MACROD2: variants seen among roughly 807,000 people sequenced by gnomAD.
MACROD2 encodes mono-ADP ribosylhydrolase 2.
MACROD2 carries 36 observed loss-of-function variants against 70.4 expected under a neutral mutation model. That is an observed-to-expected ratio of 0.51 (90% CI 0.39 to 0.68). The LOEUF is 0.68. MACROD2 is among the 30% of genes least tolerant of loss of function. MACROD2 has a pLI of 0.00. For synonymous variants in MACROD2, 172 were observed against 178.8 expected, an observed-to-expected ratio of 0.96 and a Z score of 0.30; for missense variants, 496 against 538.4, an observed-to-expected ratio of 0.92 and a Z score of 0.78.
chr20:14,529,676 T>G (rs1008336510), intron 4 of MACROD2, among the ~76,000 whole-genome samples: 1 of 152,118 alleles, frequency 6.6e-6, no homozygotes, highest in Non-Finnish European at 1.5e-5. Flanking sequence ...AAGGATTGAG[T>G]TTCCCAGAGG....
intron 5 of MACROD2, among the ~76,000 whole-genome samples, chr20:14,750,244 T>C (rs2071852519): frequency 6.6e-6 from 1 of 152,136 alleles, no homozygotes; most frequent in Admixed American, 6.5e-5. Context: ...TCATTTGAGA[T>C]GTTAAATGAT....
chr20:15,401,124 G>A (rs1054720000), intron 6 of MACROD2, among the ~76,000 whole-genome samples: 3 of 151,392 alleles, frequency 2.0e-5, no homozygotes, highest in African/African-American at 7.3e-5. Flanking sequence ...TGCAAGCTCC[G>A]CCTCCCAGGT....
At chr20:15,700,971 A>C (rs2050449206) in intron 8 of MACROD2, among the ~76,000 whole-genome samples, 1 of 152,188 alleles carries the variant, frequency 6.6e-6, no homozygotes. Flanking sequence ...ACCTATTAAA[A>C]TACAGATCAC....
rs540400186 is a variant in MACROD2, at chr20:15,037,590, C to T, written c.419-192350C>T. Among the ~76,000 whole-genome samples the T allele has an allele frequency of 5.3e-5, 8 of 152,166 alleles. 1 individual carries two copies. Among genetic ancestry groups the T allele is most frequent in the Non-Finnish European group, 8.8e-5 (6 of 67,986 alleles). On this transcript the variant is annotated intron_variant, in intron 5 of 17. Coordinates refer to ENST00000684519, the MANE Select transcript of MACROD2 (RefSeq NM_001351661.2). ...GTGTATTGGAGATAGAGTCTTAAAG[C>T]GGCTGGAAGAGAACAATCTTCCTTA...
intron 5 of MACROD2, among the ~76,000 whole-genome samples, chr20:15,207,388 A>G (rs1319732176): frequency 7.5e-6 from 1 of 132,906 alleles, no homozygotes; most frequent in African/African-American, 2.9e-5. Flanking sequence ...ATATTTTGCC[A>G]CTTCTTTCTG....
chr20:13,995,846 G>T lies in MACROD2; in HGVS notation c.46+37G>T. 6.5e-7 allele frequency: 1 copy of T among 1,529,734 alleles called. No homozygotes were observed. Among genetic ancestry groups the T allele is most frequent in the Non-Finnish European group, 8.8e-7 (1 of 1,130,492 alleles). 94.8% of individuals were successfully genotyped at this position (1,529,734 alleles called of 1,614,324 possible). ...GTCGAGTCCTGGGGGTGCGGGCGGT[G>T]GGGGTTAGGGTGGGGGCGGGGGTCA... is the stretch of plus-strand genomic sequence containing the variant. On this transcript the variant is annotated intron_variant, in intron 1 of 17. Coordinates refer to ENST00000684519, the MANE Select transcript of MACROD2 (RefSeq NM_001351661.2). The surrounding 1 kb of genome is among the most constrained non-coding windows in gnomAD (Gnocchi z 4.3).
chr20:15,432,736 A>G lies in MACROD2; in HGVS notation c.571+1301A>G, dbSNP rs1279374021. On this transcript the variant is annotated intron_variant, in intron 7 of 17. Transcript: ENST00000684519. Reference sequence around the variant, plus strand: ...TTGCCAAAAAAACAAACAAAAACCTAATGCCTACACCAATACTGTATACAT... The same window carrying G: ...TTGCCAAAAAAACAAACAAAAACCTGATGCCTACACCAATACTGTATACAT... Among the ~76,000 whole-genome samples, 7 of 152,048 alleles carry G rather than the reference A, an allele frequency of 4.6e-5. 1 individual carries two copies. Among genetic ancestry groups the G allele is most frequent in the Admixed American group, 2.6e-4 (4 of 15,242 alleles).
chr20:15,891,724 A>G (rs1343759431), intron 10 of MACROD2, among the ~76,000 whole-genome samples: 1 of 152,222 alleles, frequency 6.6e-6, no homozygotes, highest in African/African-American at 2.4e-5. Context: ...TTCTGGGTAG[A>G]TAGTAATACC....
chr20:15,871,615 G>A (rs2064585034), intron 9 of MACROD2, among the ~76,000 whole-genome samples: 2 of 152,166 alleles, frequency 1.3e-5, no homozygotes, highest in Admixed American at 1.3e-4. Context: ...ATGTGTATGA[G>A]GACCAGATTG....
At chr20:14,602,252 G>A (rs1982546190) in intron 4 of MACROD2, among the ~76,000 whole-genome samples, 1 of 152,174 alleles carries the variant, frequency 6.6e-6, no homozygotes, top group Admixed American at 6.5e-5. Flanking sequence ...CCTTGCATGA[G>A]GCACAAATTC....
rs189670484 is a variant in MACROD2, at chr20:14,881,791, A to T, written c.418+196832A>T. Among the ~76,000 whole-genome samples, 7 of 152,212 alleles carry T rather than the reference A, an allele frequency of 4.6e-5. No individual in the cohort carries two copies. In the East Asian group the frequency reaches 1.4e-3, roughly 29 times the overall value. On this transcript the variant is annotated intron_variant, in intron 5 of 17. Coordinates refer to ENST00000684519, the MANE Select transcript of MACROD2 (RefSeq NM_001351661.2). ...CTTTTCCCAGAACCAGGGCCCTCTA[A>T]GTCTAAGTCAATAAAGGGACCAGGG...
At chr20:15,348,458 G>A (rs2423945) in intron 6 of MACROD2, among the ~76,000 whole-genome samples, 36 of 151,976 alleles carry the variant, frequency 2.4e-4, no homozygotes, top group Non-Finnish European at 4.4e-4. Flanking sequence ...TTTTCATGTT[G>A]ATTAAAAGAA....
chr20:14,230,561 C>T (rs4814292), intron 3 of MACROD2, among the ~76,000 whole-genome samples: 139,635 of 144,770 alleles, frequency 0.96, 67,366 homozygotes, highest in Admixed American at 0.99. Context: ...ATTTCCTTCA[C>T]TGAAGTCTTG....
chr20:15,343,326 C>A (rs145762333), intron 6 of MACROD2, among the ~76,000 whole-genome samples: 173 of 152,260 alleles, frequency 1.1e-3, no homozygotes, highest in East Asian at 6.2e-3. Context: ...AAGCATTTTT[C>A]AAAGATGGTG....
chr20:15,095,591 C>G (rs1026366518), intron 5 of MACROD2, among the ~76,000 whole-genome samples: 1 of 151,950 alleles, frequency 6.6e-6, no homozygotes, highest in African/African-American at 2.4e-5. Context: ...AATCTCGGCT[C>G]ACTGCAAGCT....
At chr20:15,004,684 G>A (rs1314612632) in intron 5 of MACROD2, among the ~76,000 whole-genome samples, 1 of 152,170 alleles carries the variant, frequency 6.6e-6, no homozygotes, top group Middle Eastern at 3.4e-3. Context: ...GCACTTAAGT[G>A]AATAAGCTGT....
intron 5 of MACROD2, among the ~76,000 whole-genome samples, chr20:14,711,382 G>A (rs887203685): frequency 1.3e-5 from 2 of 152,178 alleles, no homozygotes; most frequent in African/African-American, 4.8e-5. Flanking sequence ...AGTTAGAAAA[G>A]CCCAAGCTAA....
In MACROD2 at chr20:14,879,840, A is replaced by G. The variant is rs562623981; in HGVS notation, c.418+194881A>G. Among the ~76,000 whole-genome samples, 3 of 152,300 alleles carry G rather than the reference A, an allele frequency of 2.0e-5. No individual in the cohort carries two copies. The East Asian group carries it at 5.8e-4, about 29-fold the overall frequency. ...ATGATTAAAAACAAACTACGAAAAT[A>G]ATTTTAAATACACCTGGGTTTCCAA... On this transcript the variant is annotated intron_variant, in intron 5 of 17. Transcript: ENST00000684519.
At chr20:15,543,749 T>C (rs931436949) in intron 8 of MACROD2, among the ~76,000 whole-genome samples, 3 of 152,236 alleles carry the variant, frequency 2.0e-5, no homozygotes, top group Non-Finnish European at 2.9e-5. Context: ...ATGGCTCTGC[T>C]AGCCTCAGCT....
Sources: allele counts gnomAD v4.1 joint callset (sites outside exome capture counted in the v4.1 genomes callset), GRCh38; gene constraint gnomAD v4.1.1; non-coding constraint Gnocchi (gnomAD v3.1); transcripts MANE v1.5; gene names NCBI Gene and HGNC (gene_info 2026-07-23, HGNC 2026-07-21).